The following SPAG16 variants were observed in gnomAD, a reference collection of about 807,000 sequenced individuals.
SPAG16 encodes sperm associated antigen 16, also known as sperm-associated antigen 16 protein.
In SPAG16, 86 loss-of-function variants were observed where a neutral mutation model predicts 80.4. The observed-to-expected ratio is 1.07, with a 90% CI of 0.90 to 1.28. The LOEUF is 1.28. Among genes scored for constraint, SPAG16 ranks in the 50% most tolerant of loss-of-function variants. The pLI is 0.00. For synonymous variants in SPAG16, 294 were observed against 265.9 expected (o/e 1.11, Z -1.03); for missense variants, 870 against 765.3 (o/e 1.14, Z -1.61).
At chr2:213,546,648 G>A (rs1011133623) in intron 10 of SPAG16, among the ~76,000 whole-genome samples, 4 of 152,046 alleles carry the variant, frequency 2.6e-5, no homozygotes, top group South Asian at 4.1e-4. Flanking sequence ...AAAAACATAG[G>A]AGATATGACA....
chr2:213,960,914 A>G (rs1183168759), intron 12 of SPAG16, among the ~76,000 whole-genome samples: 2 of 152,194 alleles, frequency 1.3e-5, no homozygotes, highest in African/African-American at 4.8e-5. Context: ...GGAAGCAGCA[A>G]TCAGTAATCA....
intron 15 of SPAG16, among the ~76,000 whole-genome samples, chr2:214,204,638 C>T (rs2058093931): frequency 6.6e-6 from 1 of 152,188 alleles, no homozygotes. Context: ...GAAAGCACCA[C>T]ATCAAGGGAG....
intron 10 of SPAG16, among the ~76,000 whole-genome samples, chr2:213,681,670 G>T (rs1475216134): frequency 6.6e-6 from 1 of 152,108 alleles, no homozygotes; most frequent in Non-Finnish European, 1.5e-5. Context: ...CAGAAATTGA[G>T]GGCATGGGTT....
chr2:214,105,499 AG>A (rs975069302), intron 13 of SPAG16, among the ~76,000 whole-genome samples: 1 of 152,230 alleles, frequency 6.6e-6, no homozygotes, highest in Non-Finnish European at 1.5e-5. Context: ...AATTTGTTTA[AG>A]GTCACACAGC....
At chr2:213,829,100 C>T (rs549179635) in intron 10 of SPAG16, among the ~76,000 whole-genome samples, 19 of 152,144 alleles carry the variant, frequency 1.2e-4, no homozygotes, top group South Asian at 2.1e-4. Context: ...CAGCCAAATT[C>T]GCATCCTTCC....
intron 15 of SPAG16, among the ~76,000 whole-genome samples, chr2:214,209,654 G>T (rs907789971): frequency 3.3e-5 from 5 of 152,058 alleles, no homozygotes; most frequent in African/African-American, 1.2e-4. Flanking sequence ...TTGGTTCCAG[G>T]TATTGTTACC....
At chr2:213,394,806 T>A (rs1419872477) in intron 9 of SPAG16, among the ~76,000 whole-genome samples, 1 of 152,226 alleles carries the variant, frequency 6.6e-6, no homozygotes, top group African/African-American at 2.4e-5. Context: ...AGTTGTTGAT[T>A]CTCTTTAAAA....
chr2:213,976,843 G>C (rs375281684), intron 12 of SPAG16, among the ~76,000 whole-genome samples: 3 of 151,718 alleles, frequency 2.0e-5, no homozygotes, highest in African/African-American at 7.3e-5. Context: ...TTGTTTGTTT[G>C]TTTTTTCCTA....
At chr2:214,218,214 A>G (rs2058480903) in intron 15 of SPAG16, among the ~76,000 whole-genome samples, 1 of 152,144 alleles carries the variant, frequency 6.6e-6, no homozygotes, top group South Asian at 2.1e-4. Context: ...TTTTGGTTGA[A>G]GCATAGGAAA....
chr2:214,282,076 T>C (rs986907312), intron 15 of SPAG16, among the ~76,000 whole-genome samples: 6 of 152,166 alleles, frequency 3.9e-5, no homozygotes, highest in African/African-American at 1.4e-4. Context: ...ATGTTTACTA[T>C]CTTGATTGTG....
intron 10 of SPAG16, among the ~76,000 whole-genome samples, chr2:213,801,747 T>C (rs968258628): frequency 1.3e-5 from 2 of 152,222 alleles, no homozygotes; most frequent in African/African-American, 4.8e-5. Flanking sequence ...CATTTACTTA[T>C]GGTCATAAGC....
chr2:213,986,721 A>G (rs2046022165), intron 12 of SPAG16, among the ~76,000 whole-genome samples: 1 of 151,756 alleles, frequency 6.6e-6, no homozygotes, highest in Non-Finnish European at 1.5e-5. Flanking sequence ...AGGAGACATA[A>G]TAGGTTTTAA....
chr2:213,859,556 C>T (rs2075332631), intron 10 of SPAG16, among the ~76,000 whole-genome samples: 2 of 152,120 alleles, frequency 1.3e-5, no homozygotes. Flanking sequence ...ATAATAGTTA[C>T]ATCCAAGCTC....
chr2:213,428,178 A>G (rs1441829640), intron 9 of SPAG16, among the ~76,000 whole-genome samples: 1 of 152,204 alleles, frequency 6.6e-6, no homozygotes, highest in African/African-American at 2.4e-5. Flanking sequence ...AGAGAAGGTA[A>G]GTGGGCAGCC....
chr2:213,505,184 A>ATATT (rs2125790521), intron 10 of SPAG16, among the ~76,000 whole-genome samples: 1 of 152,336 alleles, frequency 6.6e-6, no homozygotes, highest in Admixed American at 6.5e-5. Flanking sequence ...TGGACTGCAC[A>ATATT]TATTATATAT....
intron 10 of SPAG16, among the ~76,000 whole-genome samples, chr2:213,809,558 A>G (rs1277872877): frequency 3.3e-5 from 5 of 152,214 alleles, no homozygotes; most frequent in African/African-American, 4.8e-5. Context: ...AGGTGACAGG[A>G]GAGGAGGAAT....
chr2:213,771,479 T>A (rs550087397), intron 10 of SPAG16, among the ~76,000 whole-genome samples: 1 of 152,236 alleles, frequency 6.6e-6, no homozygotes, highest in South Asian at 2.1e-4. Context: ...TGTCAATTTT[T>A]GCTTTTGTTG....
intron 9 of SPAG16, among the ~76,000 whole-genome samples, chr2:213,407,046 G>A (rs927982379): frequency 1.3e-5 from 2 of 152,004 alleles, no homozygotes; most frequent in African/African-American, 4.8e-5. Context: ...AGGAGAAGCC[G>A]CGGGAGCGGG....
chr2:213,352,900 A>G (rs1244551812), intron 7 of SPAG16, among the ~76,000 whole-genome samples: 1 of 152,214 alleles, frequency 6.6e-6, no homozygotes, highest in Non-Finnish European at 1.5e-5. Context: ...TTGTGAGTTA[A>G]ACCAGTCTCT....
Sources: allele counts gnomAD v4.1 joint callset (sites outside exome capture counted in the v4.1 genomes callset), GRCh38; gene constraint gnomAD v4.1.1; transcripts MANE v1.5; gene names NCBI Gene and HGNC (gene_info 2026-07-23, HGNC 2026-07-21).